The following DNAH14 variants were observed in gnomAD, a reference collection of about 807,000 sequenced individuals.
DNAH14 encodes the protein dynein axonemal heavy chain 14, also known as axonemal beta dynein heavy chain 14.
Under a neutral mutation model 520.9 loss-of-function variants are expected in DNAH14, and 478 were observed. The ratio of observed to expected loss-of-function variants is 0.92; its 90% confidence interval spans 0.85 to 0.99. DNAH14 has a LOEUF of 0.99. DNAH14 is among the 50% of genes least tolerant of loss of function. DNAH14 has a pLI of 0.00. For synonymous variants in DNAH14, 1,581 were observed against 1,757.2 expected (o/e 0.90, Z 2.51); for missense variants, 4,831 against 5,234.5 (o/e 0.92, Z 2.38).
At chr1:225,277,647 C>T in intron 54 of DNAH14, 145 bp downstream of exon 54, 1 of 360,488 alleles carries the variant, frequency 2.8e-6, no homozygotes, top group Non-Finnish European at 5.7e-6. Context: ...CTCTTGTCCT[C>T]TCTGCAGTTT....
In DNAH14 at chr1:225,079,553, GTT is replaced by G; in HGVS notation, c.2766+9_2766+10del. ...GTTGGCAATTTAAAAGCCAAGGTAA[GTT>G]TTTAGGGTTTTTTTGGATTTTTTTT... is the stretch of plus-strand genomic sequence containing the variant. On this transcript the variant is annotated splice_donor_region_variant and intron_variant, in intron 18 of 85. Transcript: ENST00000682510. The G allele has an allele frequency of 1.3e-6, 2 of 1,495,812 alleles. No individual in the cohort carries two copies. The highest frequency in any genetic ancestry group is 1.8e-6 in the Non-Finnish European group (2 of 1,130,364). The allele number at this position is 1,495,812 out of a possible 1,614,324, so 92.7% of individuals were successfully genotyped here.
chr1:225,058,636 T>G (rs1253095878), intron 17 of DNAH14, among the ~76,000 whole-genome samples: 3 of 152,242 alleles, frequency 2.0e-5, no homozygotes, highest in Non-Finnish European at 1.5e-5. Context: ...GTGTCAATTT[T>G]GGATCTTTCC....
chr1:225,028,812 G>A (rs367778098), intron 11 of DNAH14, among the ~76,000 whole-genome samples: 1 of 152,028 alleles, frequency 6.6e-6, no homozygotes, highest in African/African-American at 2.4e-5. Context: ...TGCTCATGAG[G>A]ATGAGGAGCA....
intron 8 of DNAH14, among the ~76,000 whole-genome samples, chr1:224,985,739 C>T (rs1248804788): frequency 6.6e-6 from 1 of 151,676 alleles, no homozygotes; most frequent in African/African-American, 2.4e-5. Flanking sequence ...AGCAGAAATT[C>T]TGGAGATGAA....
At chr1:225,375,677 C>A (rs1246254744) in intron 78 of DNAH14, among the ~76,000 whole-genome samples, 1 of 151,858 alleles carries the variant, frequency 6.6e-6, no homozygotes, top group Non-Finnish European at 1.5e-5. Flanking sequence ...ATGTTGATGA[C>A]CCTGAGTCAA....
chr1:224,938,878 C>T (rs144903539), intron 1 of DNAH14, among the ~76,000 whole-genome samples: 6 of 152,006 alleles, frequency 3.9e-5, no homozygotes, highest in East Asian at 1.9e-4. Context: ...CTGTCGTTTA[C>T]GGCAATGTGA....
At chr1:225,252,561 A>G (rs2092595508) in intron 44 of DNAH14, 144 bp downstream of exon 44, 1 of 522,588 alleles carries the variant, frequency 1.9e-6, no homozygotes, top group Non-Finnish European at 3.3e-6. Context: ...AGACCAGTTT[A>G]GATCTATGTT....
At chr1:225,080,257 C>A in intron 18 of DNAH14, 122 bp from the exon 19 acceptor site, 1 of 987,142 alleles carries the variant, frequency 1.0e-6, no homozygotes, top group East Asian at 2.7e-5. Flanking sequence ...AATGATAGTT[C>A]CAGTTTCACT....
At chr1:225,027,883 T>C (rs1404146136) in intron 11 of DNAH14, among the ~76,000 whole-genome samples, 3 of 151,800 alleles carry the variant, frequency 2.0e-5, no homozygotes, top group Non-Finnish European at 1.5e-5. Context: ...TTTTTCTGTC[T>C]GTTGAGATGA....
chr1:225,170,125 A>G (rs528835314), intron 36 of DNAH14, among the ~76,000 whole-genome samples: 2 of 152,334 alleles, frequency 1.3e-5, no homozygotes, highest in Admixed American at 1.3e-4. Flanking sequence ...GGAAGCACTA[A>G]ACATGGAAAG....
chr1:225,109,579 GT>G (rs2076332033), intron 23 of DNAH14, among the ~76,000 whole-genome samples: 1 of 151,774 alleles, frequency 6.6e-6, no homozygotes, highest in African/African-American at 2.4e-5. Flanking sequence ...AACTTTACTT[GT>G]TTATCAGTTC....
At chr1:224,948,093 T>A (rs897049329) in intron 1 of DNAH14, among the ~76,000 whole-genome samples, 7 of 152,014 alleles carry the variant, frequency 4.6e-5, no homozygotes, top group Non-Finnish European at 1.0e-4. Flanking sequence ...ATTTGTTTGT[T>A]TGCTAGTTTT....
At chr1:224,947,987 AT>A (rs1365604262) in intron 1 of DNAH14, among the ~76,000 whole-genome samples, 1 of 152,062 alleles carries the variant, frequency 6.6e-6, no homozygotes, top group Non-Finnish European at 1.5e-5. Flanking sequence ...TGTGCTTAAA[AT>A]TATATGTATT....
At chr1:225,192,607 C>A in intron 37 of DNAH14, 89 bp from the exon 38 acceptor site, 1 of 929,872 alleles carries the variant, frequency 1.1e-6, no homozygotes, top group Non-Finnish European at 1.6e-6. Flanking sequence ...AAAGGTTTCT[C>A]CTATAACCTT....
chr1:225,085,404 G>A (rs2073646641), intron 20 of DNAH14, 140 bp from the exon 21 acceptor site: 2 of 738,392 alleles, frequency 2.7e-6, no homozygotes, highest in Admixed American at 3.0e-5. Context: ...GAAGTTGCTG[G>A]TAAGGATATA....
intron 81 of DNAH14, among the ~76,000 whole-genome samples, chr1:225,385,588 GACAA>G (rs1332940225): frequency 1.2e-4 from 19 of 152,194 alleles, no homozygotes; most frequent in South Asian, 2.1e-4. Flanking sequence ...ACCAATAACA[GACAA>G]ACAGAGAGCC....
intron 38 of DNAH14, among the ~76,000 whole-genome samples, chr1:225,203,448 C>A (rs571571059): frequency 6.6e-6 from 1 of 152,242 alleles, no homozygotes; most frequent in Admixed American, 6.5e-5. Flanking sequence ...CTTTTAGAAC[C>A]TACACTGTGC....
intron 41 of DNAH14, among the ~76,000 whole-genome samples, chr1:225,229,536 G>A (rs1574150135): frequency 1.3e-5 from 2 of 152,046 alleles, no homozygotes; most frequent in Admixed American, 6.6e-5. Context: ...CATCAATGGT[G>A]GACTGGATAA....
At chr1:225,041,816 C>T (rs1013251991) in intron 12 of DNAH14, among the ~76,000 whole-genome samples, 1 of 151,968 alleles carries the variant, frequency 6.6e-6, no homozygotes, top group African/African-American at 2.4e-5. Context: ...AGGTTATTTT[C>T]GAGAATAAGC....
Sources: allele counts gnomAD v4.1 joint callset (sites outside exome capture counted in the v4.1 genomes callset), GRCh38; gene constraint gnomAD v4.1.1; transcripts MANE v1.5; gene names NCBI Gene and HGNC (gene_info 2026-07-23, HGNC 2026-07-21).